Variants in P2RY6 observed in about 807,000 individuals in gnomAD.
P2RY6 encodes pyrimidinergic receptor P2Y6, also known as P2Y purinoceptor 6.
In P2RY6, 19 loss-of-function variants were observed where a neutral mutation model predicts 16.3. The observed-to-expected ratio is 1.16, with a 90% CI of 0.81 to 1.71. The LOEUF (loss-of-function observed/expected upper bound fraction) is 1.71. Among genes scored for constraint, P2RY6 ranks in the 40% most tolerant of loss-of-function variants. The probability of loss-of-function intolerance (pLI) is 0.00; values close to 1 mark genes in which losing one functional copy is unlikely to be tolerated. For missense variants in P2RY6, 389 were observed against 455.5 expected, an observed-to-expected ratio of 0.85 and a Z score of 1.33; for synonymous variants, 184 against 201.5, an observed-to-expected ratio of 0.91 and a Z score of 0.74.
At chr11:73,271,775 T>C (rs910103468), upstream of P2RY6, 2 of 152,146 alleles carry the variant, frequency 1.3e-5, no homozygotes, top group Non-Finnish European at 2.9e-5. Flanking sequence ...TTTCCGAGTA[T>C]AAAACAGTAT....
At chr11:73,281,043 T>C (rs542086368) in intron 1 of P2RY6, among the ~76,000 whole-genome samples, 2 of 151,524 alleles carry the variant, frequency 1.3e-5, no homozygotes, top group Admixed American at 1.3e-4. Flanking sequence ...GAAGAGGAGT[T>C]TGAAATGTGA....
At chr11:73,276,353 C>G (rs1863536061) in intron 1 of P2RY6, among the ~76,000 whole-genome samples, 1 of 152,146 alleles carries the variant, frequency 6.6e-6, no homozygotes, top group Non-Finnish European at 1.5e-5. Context: ...ACCATATGAC[C>G]CCCTGGTTCC....
chr11:73,292,099 G>A (rs552162718), intron 1 of P2RY6, among the ~76,000 whole-genome samples: 8 of 152,370 alleles, frequency 5.3e-5, no homozygotes, highest in Admixed American at 2.0e-4. Flanking sequence ...GTGGTGAGGA[G>A]GGGCTGGGGT....
chr11:73,279,255 A>T (rs1213124109), intron 1 of P2RY6, among the ~76,000 whole-genome samples: 1 of 152,154 alleles, frequency 6.6e-6, no homozygotes, highest in African/African-American at 2.4e-5. Context: ...AGTTCTTTAT[A>T]CATTCTAGAT....
At chr11:73,290,308 AAAGAAAGAAAGAAAGAAAGAAAG>A (rs1864164124) in intron 1 of P2RY6, among the ~76,000 whole-genome samples, 1 of 40,066 alleles carries the variant, frequency 2.5e-5, no homozygotes, top group Non-Finnish European at 5.5e-5. Flanking sequence ...GAAAGAAAAG[AAAGAAAGAAAGAAAGAAAGAAAG>A]AAAGAAAGAA....
At chr11:73,291,039 T>G (rs913835343) in intron 1 of P2RY6, among the ~76,000 whole-genome samples, 2 of 152,228 alleles carry the variant, frequency 1.3e-5, no homozygotes, top group Non-Finnish European at 2.9e-5. Flanking sequence ...GCCTCTTGTA[T>G]GTCCTTGAAC....
At position 73,296,714 on chromosome 11, in the gene P2RY6, C is replaced by A. The variant is rs1490670567; in HGVS notation, c.196C>A (p.Leu66Ile). Residue 66 changes from leucine to isoleucine, a missense_variant, in exon 3 of 3, where the codon CTA becomes ATA. Transcript: ENST00000540124. ...RALTRTAVYT[L>I]NLALADLLYA... is the part of the protein sequence containing the mutation. Reference sequence around the variant, plus strand: ...CCTGACCCGCACGGCCGTGTACACCCTAAACCTTGCTCTGGCTGACCTGCT... The same window carrying A: ...CCTGACCCGCACGGCCGTGTACACCATAAACCTTGCTCTGGCTGACCTGCT... 1 of 1,613,958 alleles carries A rather than the reference C, an allele frequency of 6.2e-7. No homozygotes were observed. Among genetic ancestry groups the A allele is most frequent in the South Asian group, 1.1e-5 (1 of 91,086 alleles).
rs567534414 is a variant in P2RY6 at position 73,274,928 on chromosome 11, T to C, written c.-121+2462T>C. 7.2e-5 allele frequency among the ~76,000 whole-genome samples: 11 copies of C among 152,404 alleles called. No homozygotes were observed. The South Asian group carries it at 2.3e-3, about 32-fold the overall frequency. ...GGTGGGGATCCGGCAGCCCAGGCTCTGGCTCTCCCTCTGTGACTGTTGGCT... is the reference window on the plus strand; with the variant it reads ...GGTGGGGATCCGGCAGCCCAGGCTCCGGCTCTCCCTCTGTGACTGTTGGCT... On this transcript the variant is annotated intron_variant, in intron 1 of 2. Coordinates refer to ENST00000540124, the MANE Select transcript of P2RY6 (RefSeq NM_001277204.2).
At chr11:73,286,352 AC>A (rs1374261665) in intron 1 of P2RY6, among the ~76,000 whole-genome samples, 1 of 151,978 alleles carries the variant, frequency 6.6e-6, no homozygotes, top group Non-Finnish European at 1.5e-5. Flanking sequence ...CCCAAACCTT[AC>A]CTGTACGAGT....
Position 73,296,239 on chromosome 11 carries a change from T to A in P2RY6, c.-34-246T>A, listed in dbSNP as rs1322823748. 1.0e-2 allele frequency among the ~76,000 whole-genome samples: 1,235 copies of A among 123,606 alleles called. 11 individuals are homozygous for A. Among genetic ancestry groups the A allele is most frequent in the African/African-American group, 0.037 (1,047 of 28,642 alleles). 81.1% of individuals were successfully genotyped at this position (123,606 alleles called of 152,430 possible). ...AGGCTGAAGGAAAAAAAAAAATATA[T>A]ATATATATATATATATATAATATAT... On this transcript the variant is annotated intron_variant, in intron 2 of 2. Coordinates refer to ENST00000540124, the MANE Select transcript of P2RY6 (RefSeq NM_001277204.2).
In P2RY6 at chr11:73,272,600, G is replaced by T. The variant is rs529423904; in HGVS notation, c.-121+134G>T. The T allele has an allele frequency of 2.0e-5, 14 of 716,916 alleles. No homozygotes were observed. In the East Asian group the frequency reaches 1.9e-3, roughly 95 times the overall value. The allele number at this position is 716,916 out of a possible 1,614,324, so 44.4% of individuals were successfully genotyped here. ...GAGTGGCAGTAGGGCAGGCACTGGGGTCCTCCTCCTTCCTCCGCCTGGCTA... is the reference window on the plus strand; with the variant it reads ...GAGTGGCAGTAGGGCAGGCACTGGGTTCCTCCTCCTTCCTCCGCCTGGCTA... On this transcript the variant is annotated intron_variant, in intron 1 of 2. Transcript: ENST00000540124.
At chr11:73,290,303 A>AAAGAAAGAAAAG (rs1260016714) in intron 1 of P2RY6, among the ~76,000 whole-genome samples, 4 of 113,112 alleles carry the variant, frequency 3.5e-5, no homozygotes, top group East Asian at 4.5e-4. Context: ...AGAAAGAAAG[A>AAAGAAAGAAAAG]AAAGAAAGAA....
chr11:73,264,697 G>C lies in P2RY6; in HGVS notation c.-281+48G>C, dbSNP rs1398106109. ...ACAGGGGTAAGGGGTGCCGGGGCGC[G>C]GGGATACAGGGAGGCCTGCCCACTC... On this transcript the variant is annotated intron_variant, in intron 1 of 3. Transcript: ENST00000349767. 3 of 152,426 alleles carry C rather than the reference G, an allele frequency of 2.0e-5. No homozygotes were observed. In the East Asian group the frequency reaches 5.8e-4, roughly 29 times the overall value. The allele number at this position is 152,426 out of a possible 1,614,324, so 9.4% of individuals were successfully genotyped here. A position where few individuals can be genotyped will look rare whatever the true frequency, so the allele number is the denominator to read the frequency against.
chr11:73,290,674 T>G (rs1035296239), intron 1 of P2RY6, among the ~76,000 whole-genome samples: 2 of 152,276 alleles, frequency 1.3e-5, no homozygotes, highest in Admixed American at 1.3e-4. Flanking sequence ...CCTTGTTATG[T>G]GTCCAGGTCC....
chr11:73,295,721 A>G lies in P2RY6; in HGVS notation c.-120-9A>G, dbSNP rs1048487787. The G allele has an allele frequency of 2.0e-6, 2 of 978,652 alleles. No individual in the cohort carries two copies. The highest frequency in any genetic ancestry group is 3.5e-5 in the African/African-American group (2 of 57,102). 60.6% of individuals were successfully genotyped at this position (978,652 alleles called of 1,614,324 possible). On this transcript the variant is annotated splice_polypyrimidine_tract_variant and intron_variant, in intron 1 of 2. Coordinates refer to ENST00000540124, the MANE Select transcript of P2RY6 (RefSeq NM_001277204.2). ...GAACTGGGTATCACCTCCTTCCCCT[A>G]TTTTACAGATAACAAGACCTCTGCC...
At chr11:73,282,879 A>G (rs1005934824) in intron 1 of P2RY6, among the ~76,000 whole-genome samples, 1 of 152,180 alleles carries the variant, frequency 6.6e-6, no homozygotes, top group Admixed American at 6.5e-5. Context: ...CTGAGCAAAT[A>G]CTTCCTGTGC....
intron 1 of P2RY6, among the ~76,000 whole-genome samples, chr11:73,294,987 C>A (rs1398688818): frequency 6.6e-6 from 1 of 152,220 alleles, no homozygotes. Context: ...GAACCCTTTA[C>A]CACCCACTGA....
intron 2 of P2RY6, among the ~76,000 whole-genome samples, chr11:73,296,233 A>AAAAAATATAT (rs57187973): frequency 3.2e-5 from 4 of 124,512 alleles, no homozygotes; most frequent in African/African-American, 1.4e-4. Flanking sequence ...GAAAAAAAAA[A>AAAAAATATAT]ATATATATAT....
intron 1 of P2RY6, among the ~76,000 whole-genome samples, chr11:73,280,160 G>C (rs1360840895): frequency 3.9e-5 from 6 of 152,118 alleles, no homozygotes; most frequent in African/African-American, 1.4e-4. Flanking sequence ...CTGTTGTAGG[G>C]GCTAAGAATA....
Sources: gnomAD v4.1 joint callset for allele counts (sites outside exome capture counted in the v4.1 genomes callset) on GRCh38, gnomAD v4.1.1 for gene constraint, MANE v1.5 for transcripts, NCBI Gene and HGNC (gene_info 2026-07-23, HGNC 2026-07-21) for gene names.